Variants in TPCN2 observed in about 807,000 individuals in gnomAD.
The protein encoded by TPCN2 is two pore segment channel 2, also known as two pore channel protein 2.
A neutral mutation model predicts 111.4 loss-of-function variants in TPCN2; 92 were observed. The ratio of observed to expected loss-of-function variants is 0.83; its 90% confidence interval spans 0.70 to 0.98. TPCN2 has a LOEUF of 0.98. Ranked by LOEUF, TPCN2 falls within the 50% of genes least tolerant of loss-of-function variation. TPCN2 has a pLI of 0.00. For synonymous variants in TPCN2, 405 were observed against 414.5 expected (o/e 0.98, Z 0.28); for missense variants, 995 against 980.1 (o/e 1.02, Z -0.20).
At chr11:69,084,708 G>A in intron 19 of TPCN2, 1 of 985,436 alleles carries the variant, frequency 1.0e-6, no homozygotes, top group Non-Finnish European at 1.2e-6. Flanking sequence ...AGGTGTCTCT[G>A]GGGCCGCAGG....
intron 18 of TPCN2, chr11:69,083,330 C>T (rs1475582483): frequency 6.5e-6 from 1 of 154,914 alleles, no homozygotes; most frequent in Non-Finnish European, 1.4e-5. Flanking sequence ...GACTGGTCTC[C>T]ACTGTGGCGT....
chr11:69,049,586 G>C (rs1861123096), intron 1 of TPCN2, among the ~76,000 whole-genome samples: 1 of 151,960 alleles, frequency 6.6e-6, no homozygotes, highest in Non-Finnish European at 1.5e-5. Context: ...CACACACCCA[G>C]TAAGTGGCCG....
chr11:69,081,390 C>T lies in TPCN2; in HGVS notation c.1590-10C>T. ...GCTCCTCCCAACCCGCCTCCCGTGT[C>T]TCTCCCCAGGAGGCCGGAGATGGTG... On this transcript the variant is annotated splice_polypyrimidine_tract_variant and intron_variant, in intron 17 of 24. Transcript: ENST00000294309. 1 of 1,537,964 alleles carries T rather than the reference C, an allele frequency of 6.5e-7. No individual in the cohort carries two copies. The highest frequency in any genetic ancestry group is 8.8e-7 in the Non-Finnish European group (1 of 1,140,190).
Position 69,088,215 on chromosome 11 carries a change from T to G in TPCN2, c.*262T>G. 35 of 471,482 alleles carry G rather than the reference T, an allele frequency of 7.4e-5. No individual in the cohort carries two copies. Among genetic ancestry groups the G allele is most frequent in the Middle Eastern group, 5.7e-4 (1 of 1,764 alleles). The allele number at this position is 471,482 out of a possible 1,614,324, so 29.2% of individuals were successfully genotyped here. The stretch of plus-strand genomic sequence containing the variant: ...CTTCAGTGAGAATTCCCTCGTCGAC[T>G]CCACAGGGACCTTTCAGACAAAAAT... On this transcript the variant is annotated 3_prime_UTR_variant, in exon 25 of 25. Transcript: ENST00000294309.
At chr11:69,080,529 A>G (rs1238766689) in intron 17 of TPCN2, among the ~76,000 whole-genome samples, 2 of 152,178 alleles carry the variant, frequency 1.3e-5, no homozygotes, top group Admixed American at 1.3e-4. Flanking sequence ...TGTGCCCGTG[A>G]TGAGACAGGA....
intron 13 of TPCN2, among the ~76,000 whole-genome samples, chr11:69,076,078 G>A (rs894787943): frequency 1.1e-4 from 17 of 152,222 alleles, no homozygotes; most frequent in African/African-American, 4.1e-4. Context: ...CGATAAAAGA[G>A]TAACTGCAAG....
At position 69,072,931 on chromosome 11, in the gene TPCN2, G is replaced by A. The variant is rs61746574; in HGVS notation, c.1160G>A (p.Gly387Asp). 185,155 of 1,609,148 alleles carry A rather than the reference G, an allele frequency of 0.12. 11,383 individuals are homozygous for A. The highest frequency in any genetic ancestry group is 0.2 in the Middle Eastern group (1,200 of 6,038). ...CCTGTGCAGAAGGTGCGTTCCTATG[G>A]CAGTGTTCTGCTCTCAGCTGAGGAG... ...QAMMEKVRSYGSVLLSAEEFQ... is the reference protein window; with the variant it reads ...QAMMEKVRSYDSVLLSAEEFQ... Residue 387 changes from glycine to aspartate, a missense_variant, in exon 13 of 25, where the codon GGC becomes GAC. Coordinates refer to ENST00000294309, the MANE Select transcript of TPCN2 (RefSeq NM_139075.4).
chr11:69,085,939 T>C lies in TPCN2; in HGVS notation c.2003+9T>C, dbSNP rs750680790. 6.2e-7 allele frequency: 1 copy of C among 1,612,380 alleles called. No individual in the cohort carries two copies. Among genetic ancestry groups the C allele is most frequent in the East Asian group, 2.2e-5 (1 of 44,830 alleles). On this transcript the variant is annotated intron_variant, in intron 22 of 24. Transcript: ENST00000294309. Reference sequence around the variant, plus strand: ...CGGCGCTACTCAGGCCCGTGAGTCCTCGTCTCCCTGACGGCAGTGATTCTC... The same window carrying C: ...CGGCGCTACTCAGGCCCGTGAGTCCCCGTCTCCCTGACGGCAGTGATTCTC...
At chr11:69,054,835 G>A (rs748932292) in intron 3 of TPCN2, 38 bp downstream of exon 3, 44 of 1,597,106 alleles carry the variant, frequency 2.8e-5, no homozygotes, top group African/African-American at 5.4e-5. Flanking sequence ...GGTTCCTGCC[G>A]GCTTGCGTGG....
At chr11:69,053,788 T>C (rs1347842674) in intron 1 of TPCN2, among the ~76,000 whole-genome samples, 1 of 152,202 alleles carries the variant, frequency 6.6e-6, no homozygotes, top group Non-Finnish European at 1.5e-5. Context: ...GGCTTGCTAG[T>C]TGTGTGCGCT....
chr11:69,087,706 A>G (rs529228627), intron 24 of TPCN2, among the ~76,000 whole-genome samples, 169 bp from the exon 25 acceptor site: 5 of 151,146 alleles, frequency 3.3e-5, no homozygotes, highest in African/African-American at 1.2e-4. Flanking sequence ...CCGTGTAGAT[A>G]TTTCTAGTGG....
At chr11:69,080,035 CAGAG>C in intron 17 of TPCN2, 152 bp downstream of exon 17, 1 of 696,180 alleles carries the variant, frequency 1.4e-6, no homozygotes, top group Non-Finnish European at 2.4e-6. Flanking sequence ...GATCCCACAG[CAGAG>C]GCTGTGTCGG....
At chr11:69,071,686 G>A (rs895363212) in intron 10 of TPCN2, among the ~76,000 whole-genome samples, 6 of 152,118 alleles carry the variant, frequency 3.9e-5, no homozygotes, top group African/African-American at 1.2e-4. Context: ...GGAGAAACGC[G>A]GCCCAGCATA....
Position 69,072,689 on chromosome 11 carries a change from A to T in TPCN2, c.1124A>T (p.His375Leu). 1 of 1,613,814 alleles carries T rather than the reference A, an allele frequency of 6.2e-7. No homozygotes were observed. The highest frequency in any genetic ancestry group is 8.5e-7 in the Non-Finnish European group (1 of 1,179,998). The change falls in exon 12 of 25, where the codon CAC (histidine) becomes CTC (leucine). Residue 375 changes from histidine to leucine, a missense_variant. Transcript: ENST00000294309. ...CAGAAGGTCCAGCTGGACAGCTCCCACAAACAGGCCATGATGGAGGTACCC... is the reference window on the plus strand; with the variant it reads ...CAGAAGGTCCAGCTGGACAGCTCCCTCAAACAGGCCATGATGGAGGTACCC... ...VLQKVQLDSS[H>L]KQAMMEKVRS... is the part of the protein sequence containing the mutation.
chr11:69,061,346 G>T (rs1488271064), intron 5 of TPCN2, among the ~76,000 whole-genome samples: 1 of 152,238 alleles, frequency 6.6e-6, no homozygotes, highest in Non-Finnish European at 1.5e-5. Flanking sequence ...GACCCCGGAG[G>T]CCATGGGCAG....
At position 69,063,956 on chromosome 11, in the gene TPCN2, G is replaced by A. The variant is rs199911974; in HGVS notation, c.715G>A (p.Ala239Thr). Reference sequence around the variant, plus strand: ...CACCATGTTCGGAATGCTGCTGTTCGCTGGTGGGAAGGTAGGGCACCCGTG... The same window carrying A: ...CACCATGTTCGGAATGCTGCTGTTCACTGGTGGGAAGGTAGGGCACCCGTG... ...LFTMFGMLLF[A>T]GGKQDDGQDR... The change falls in exon 7 of 25, where the codon GCT (alanine) becomes ACT (threonine). Residue 239 changes from alanine to threonine, a missense_variant. Coordinates refer to ENST00000294309, the MANE Select transcript of TPCN2 (RefSeq NM_139075.4). 17 of 1,613,954 alleles carry A rather than the reference G, an allele frequency of 1.1e-5. No homozygotes were observed. The highest frequency in any genetic ancestry group is 2.7e-5 in the African/African-American group (2 of 74,920).
In TPCN2 at chr11:69,084,669, A is replaced by G. The variant is rs1225193385; in HGVS notation, c.1762-541A>G. ...GCAGTTTTGCCATTTTATTCTGACCACCTTGACGTAGGGACCACTGGGGTG... is the reference window on the plus strand; with the variant it reads ...GCAGTTTTGCCATTTTATTCTGACCGCCTTGACGTAGGGACCACTGGGGTG... On this transcript the variant is annotated intron_variant, in intron 19 of 24. Transcript: ENST00000294309. 5 of 985,222 alleles carry G rather than the reference A, an allele frequency of 5.1e-6. No individual in the cohort carries two copies. In the East Asian group the frequency reaches 5.7e-4, roughly 112 times the overall value. The allele number at this position is 985,222 out of a possible 1,614,324, so 61.0% of individuals were successfully genotyped here. A position where few individuals can be genotyped will look rare whatever the true frequency, so the allele number is the denominator to read the frequency against.
intron 13 of TPCN2, among the ~76,000 whole-genome samples, chr11:69,075,687 G>C (rs1473816380): frequency 6.6e-6 from 1 of 152,222 alleles, no homozygotes; most frequent in African/African-American, 2.4e-5. Flanking sequence ...GCCTTTTCGA[G>C]AGCCCTCCCG....
rs558399980 is a variant in TPCN2 at position 69,062,973 on chromosome 11, G to C, written c.636G>C (p.Ser212=). Residue 212 remains serine (S), a synonymous_variant, in exon 6 of 25, where the codon TCG becomes TCC. Transcript: ENST00000294309. ...MKKTLKCIRW[S]LPEMASVGLL... ...AGACCTTGAAATGCATCCGCTGGTC[G>C]CTGCCGGAAATGGCCAGGTGGGCTC... 6.2e-7 allele frequency: 1 copy of C among 1,613,782 alleles called. No individual in the cohort carries two copies. The highest frequency in any genetic ancestry group is 2.2e-5 in the East Asian group (1 of 44,860).
Sources: gnomAD v4.1 joint callset for allele counts (sites outside exome capture counted in the v4.1 genomes callset) on GRCh38, gnomAD v4.1.1 for gene constraint, MANE v1.5 for transcripts, NCBI Gene and HGNC (gene_info 2026-07-23, HGNC 2026-07-21) for gene names.